The following PACSIN1 variants were observed in gnomAD, a reference collection of about 807,000 sequenced individuals.
PACSIN1 encodes the protein protein kinase C and casein kinase substrate in neurons 1, also known as protein kinase C and casein kinase substrate in neurons protein 1.
PACSIN1 carries 15 observed loss-of-function variants against 59.5 expected under a neutral mutation model. The ratio of observed to expected loss-of-function variants is 0.25; its 90% CI spans 0.17 to 0.39. The LOEUF (loss-of-function observed/expected upper bound fraction) is 0.39. Among genes scored for constraint, PACSIN1 ranks in the 10% least tolerant of loss-of-function variants. The probability of loss-of-function intolerance (pLI) is 1.00; values close to 1 mark genes in which losing one functional copy is unlikely to be tolerated. For missense variants in PACSIN1, 420 were observed against 580.2 expected (o/e 0.72, Z 2.84); for synonymous variants, 210 against 220.6 (o/e 0.95, Z 0.42).
At chr6:34,492,195 CTTTTTTTT>C (rs55745060) in intron 1 of PACSIN1, among the ~76,000 whole-genome samples, 8 of 80,182 alleles carry the variant, frequency 1.0e-4, no homozygotes, top group African/African-American at 3.8e-4. Flanking sequence ...CTTTTTTGAC[CTTTTTTTT>C]TTTTTTTTTT....
At chr6:34,472,900 G>A (rs180775704) in intron 1 of PACSIN1, among the ~76,000 whole-genome samples, 4 of 152,252 alleles carry the variant, frequency 2.6e-5, no homozygotes, top group African/African-American at 9.6e-5. Flanking sequence ...TGTGCCAGGC[G>A]CTCTTTTGTT....
intron 1 of PACSIN1, among the ~76,000 whole-genome samples, chr6:34,483,430 G>T (rs1245450069): frequency 2.0e-5 from 3 of 152,128 alleles, no homozygotes; most frequent in Non-Finnish European, 2.9e-5. Context: ...TAATGCTGTG[G>T]GACAGAGGAG....
chr6:34,484,792 A>AAT (rs1011356973), intron 1 of PACSIN1, among the ~76,000 whole-genome samples: 102 of 152,040 alleles, frequency 6.7e-4, no homozygotes, highest in Non-Finnish European at 1.3e-3. Flanking sequence ...TTAATTAAAA[A>AAT]ATATATATAT....
intron 2 of PACSIN1, 75 bp downstream of exon 2, chr6:34,526,443 AC>A (rs960242003): frequency 1.6e-6 from 2 of 1,237,888 alleles, no homozygotes; most frequent in African/African-American, 1.5e-5. Flanking sequence ...CTTATCACTC[AC>A]CCCATGACCT....
At chr6:34,492,446 C>T (rs1244211725) in intron 1 of PACSIN1, among the ~76,000 whole-genome samples, 5 of 151,756 alleles carry the variant, frequency 3.3e-5, no homozygotes, top group South Asian at 2.1e-4. Flanking sequence ...TGCAATGGCA[C>T]GATCTCAGCT....
chr6:34,510,009 A>G (rs1444421743), intron 1 of PACSIN1, among the ~76,000 whole-genome samples: 1 of 152,214 alleles, frequency 6.6e-6, no homozygotes, highest in Admixed American at 6.5e-5. Context: ...ATGTGAACAA[A>G]CCACACGGTA....
At chr6:34,481,519 A>G (rs1425366075) in intron 1 of PACSIN1, among the ~76,000 whole-genome samples, 3 of 152,068 alleles carry the variant, frequency 2.0e-5, no homozygotes, top group African/African-American at 7.2e-5. Context: ...AATACAAAAA[A>G]ATTAGCCAGG....
Position 34,532,676 on chromosome 6 carries a change from A to C in PACSIN1, c.*146A>C. On this transcript the variant is annotated 3_prime_UTR_variant, in exon 10 of 10. Transcript: ENST00000244458. This position sits in a 1 kb window ranked among gnomAD's most constrained non-coding sequence, Gnocchi z 5.2. ...TTAAAAGTCAAAACAGAACAAAACA[A>C]AGTATGCAGAGACAGAGCATTTGCA... 2 of 616,222 alleles carry C rather than the reference A, an allele frequency of 3.2e-6. No individual in the cohort carries two copies. Among genetic ancestry groups the C allele is most frequent in the Non-Finnish European group, 5.8e-6 (2 of 345,110 alleles). 38.2% of individuals were successfully genotyped at this position (616,222 alleles called of 1,614,324 possible). A position where few individuals can be genotyped will look rare whatever the true frequency, so the allele number is the denominator to read the frequency against.
intron 1 of PACSIN1, among the ~76,000 whole-genome samples, chr6:34,499,761 A>C (rs547596347): frequency 6.6e-6 from 1 of 151,922 alleles, no homozygotes; most frequent in Non-Finnish European, 1.5e-5. Context: ...GTGCCACTGC[A>C]CTCCAGCCTG....
Position 34,527,472 on chromosome 6 carries a change from C to G in PACSIN1, c.204C>G (p.Arg68=), listed in dbSNP as rs1326108302. Residue 68 remains arginine, a synonymous_variant, in exon 3 of 10, where the codon CGC becomes CGG. Coordinates refer to ENST00000244458, the MANE Select transcript of PACSIN1 (RefSeq NM_020804.5). The part of the protein sequence containing the change: ...QQLTDWAKRW[R]QLIEKGPQYG... ...TCACCGACTGGGCCAAGCGTTGGCG[C>G]CAGCTCATCGAGAAAGGTGCTCCCC... 1 of 1,593,048 alleles carries G rather than the reference C, an allele frequency of 6.3e-7. No homozygotes were observed. The highest frequency in any genetic ancestry group is 1.1e-5 in the South Asian group (1 of 87,326).
At chr6:34,510,237 C>G (rs1767178575) in intron 1 of PACSIN1, among the ~76,000 whole-genome samples, 1 of 152,224 alleles carries the variant, frequency 6.6e-6, no homozygotes, top group African/African-American at 2.4e-5. Context: ...TTGCCTCCAC[C>G]CCGGTCTCCT....
intron 1 of PACSIN1, among the ~76,000 whole-genome samples, chr6:34,470,516 ATAAT>A (rs1219793645): frequency 6.6e-6 from 1 of 151,688 alleles, no homozygotes; most frequent in Admixed American, 6.6e-5. Flanking sequence ...CGATATTGTT[ATAAT>A]TATTTTCTTT....
At position 34,516,165 on chromosome 6, in the gene PACSIN1, T is replaced by C. The variant is rs1767288348; in HGVS notation, c.-63-10078T>C. On this transcript the variant is annotated intron_variant, in intron 1 of 9. Transcript: ENST00000244458. The surrounding 1 kb of genome is among the most constrained non-coding windows in gnomAD (Gnocchi z 5.4). Reference sequence around the variant, plus strand: ...CCCCCTGAGAGCCCAGCTGGGTCTTTCACTGGACCACAGTGTGGGGTGTCC... The same window carrying C: ...CCCCCTGAGAGCCCAGCTGGGTCTTCCACTGGACCACAGTGTGGGGTGTCC... 6.6e-6 allele frequency among the ~76,000 whole-genome samples: 1 copy of C among 152,118 alleles called. No individual in the cohort carries two copies. Among genetic ancestry groups the C allele is most frequent in the African/African-American group, 2.4e-5 (1 of 41,416 alleles).
At chr6:34,487,434 G>A (rs1363741205) in intron 1 of PACSIN1, among the ~76,000 whole-genome samples, 18 of 152,112 alleles carry the variant, frequency 1.2e-4, no homozygotes, top group Non-Finnish European at 7.4e-5. Context: ...CCCGTGCTCC[G>A]GTGGGCTGAG....
At chr6:34,472,993 G>A (rs1328180978) in intron 1 of PACSIN1, among the ~76,000 whole-genome samples, 1 of 152,316 alleles carries the variant, frequency 6.6e-6, no homozygotes, top group African/African-American at 2.4e-5. Flanking sequence ...CTGAAGTTAA[G>A]TGACTTGCCT....
At chr6:34,493,428 A>C (rs1766905515) in intron 1 of PACSIN1, among the ~76,000 whole-genome samples, 1 of 152,192 alleles carries the variant, frequency 6.6e-6, no homozygotes, top group South Asian at 2.1e-4. Flanking sequence ...ATGTAAACCC[A>C]ACGGTGGAAG....
rs1023626038 is a variant in PACSIN1, at chr6:34,525,897, T to C, written c.-63-346T>C. Among the ~76,000 whole-genome samples, 4 of 151,696 alleles carry C rather than the reference T, an allele frequency of 2.6e-5. No individual in the cohort carries two copies. Among genetic ancestry groups the C allele is most frequent in the African/African-American group, 9.7e-5 (4 of 41,248 alleles). On this transcript the variant is annotated intron_variant, in intron 1 of 9. Transcript: ENST00000244458. The surrounding 1 kb of genome is among the most constrained non-coding windows in gnomAD (Gnocchi z 4.9). ...GGCAGACAGAAGGGCATTTACAGGGTCCCGGGGCTCAGATAACTGAGGAGG... is the reference window on the plus strand; with the variant it reads ...GGCAGACAGAAGGGCATTTACAGGGCCCCGGGGCTCAGATAACTGAGGAGG...
chr6:34,510,838 G>A (rs1020684841), intron 1 of PACSIN1, among the ~76,000 whole-genome samples: 9 of 152,130 alleles, frequency 5.9e-5, no homozygotes, highest in South Asian at 2.1e-4. Flanking sequence ...TCAGCCTCCC[G>A]AGTAGCTGGG....
In PACSIN1 at chr6:34,511,309, T is replaced by C. The variant is rs1446093266; in HGVS notation, c.-63-14934T>C. On this transcript the variant is annotated intron_variant, in intron 1 of 9. Transcript: ENST00000244458. Reference sequence around the variant, plus strand: ...CTCACACTCTGATCACCTGGGATCCTGTGAAAATGCAGATTCTGATGTGGG... The same window carrying C: ...CTCACACTCTGATCACCTGGGATCCCGTGAAAATGCAGATTCTGATGTGGG... Among the ~76,000 whole-genome samples the C allele has an allele frequency of 4.6e-5, 7 of 152,296 alleles. No individual in the cohort carries two copies. In the East Asian group the frequency reaches 1.4e-3, roughly 29 times the overall value.
Sources: allele counts gnomAD v4.1 joint callset (sites outside exome capture counted in the v4.1 genomes callset), GRCh38; gene constraint gnomAD v4.1.1; non-coding constraint Gnocchi (gnomAD v3.1); transcripts MANE v1.5; gene names NCBI Gene and HGNC (gene_info 2026-07-23, HGNC 2026-07-21).